Variants in VGLL2 observed in about 807,000 individuals in gnomAD.
VGLL2 encodes the protein transcription cofactor vestigial-like protein 2.
In VGLL2, 18 loss-of-function variants were observed where a neutral mutation model predicts 27.0. The observed-to-expected ratio is 0.67, with a 90% confidence interval of 0.46 to 0.99. The LOEUF (loss-of-function observed/expected upper bound fraction) is 0.99, where lower values mean the gene tolerates loss of function less well. Ranked by LOEUF, VGLL2 falls within the 50% of genes least tolerant of loss-of-function variation. VGLL2 has a pLI of 0.00. For missense variants in VGLL2, 491 were observed against 452.3 expected, an observed-to-expected ratio of 1.09 and a Z score of -0.78; for synonymous variants, 220 against 201.1, an observed-to-expected ratio of 1.09 and a Z score of -0.80.
chr6:117,271,009 CTTCGCGAG>C lies in VGLL2; in HGVS notation c.859_866del (p.Phe287ProfsTer32). The C allele has an allele frequency of 8.1e-7, 1 of 1,232,508 alleles. No individual in the cohort carries two copies. The highest frequency in any genetic ancestry group is 1.0e-6 in the Non-Finnish European group (1 of 990,684). 76.3% of individuals were successfully genotyped at this position (1,232,508 alleles called of 1,614,324 possible). Reference sequence around the variant, plus strand: ...CCGCGTGGGCCGGGCCCGGGGGACCCTTCGCGAGCCCCTCGGGGGACGTGGCCCAGGGT... The same window carrying C: ...CCGCGTGGGCCGGGCCCGGGGGACCCCCCCTCGGGGGACGTGGCCCAGGGT... On this transcript the variant is annotated frameshift_variant, in exon 3 of 4. Coordinates refer to ENST00000326274, the MANE Select transcript of VGLL2 (RefSeq NM_182645.3).
At chr6:117,267,087 C>G (rs964014274) in intron 1 of VGLL2, among the ~76,000 whole-genome samples, 1 of 152,158 alleles carries the variant, frequency 6.6e-6, no homozygotes, top group African/African-American at 2.4e-5. Context: ...CTGAAATGTA[C>G]TTCTTCCCAG....
intron 1 of VGLL2, among the ~76,000 whole-genome samples, chr6:117,266,845 T>G (rs1252444738): frequency 6.6e-6 from 1 of 152,192 alleles, no homozygotes; most frequent in African/African-American, 2.4e-5. Context: ...TTAAAATGTC[T>G]ATTCGAAAAT....
Position 117,270,626 on chromosome 6 carries a change from G to T in VGLL2, c.475G>T (p.Gly159Cys). The part of the protein sequence containing the change: ...AYQAPVPPPL[G>C]SPLATAHSEL... The stretch of plus-strand genomic sequence containing the variant: ...CCAGGCGCCAGTGCCCCCGCCGCTG[G>T]GCAGCCCTCTGGCCACCGCGCACTC... The change falls in exon 3 of 4, where the codon GGC (glycine) becomes TGC (cysteine). Residue 159 changes from glycine (G) to cysteine (C), a missense_variant. Coordinates refer to ENST00000326274, the MANE Select transcript of VGLL2 (RefSeq NM_182645.3). 1 of 1,590,716 alleles carries T rather than the reference G, an allele frequency of 6.3e-7. No homozygotes were observed. The highest frequency in any genetic ancestry group is 8.5e-7 in the Non-Finnish European group (1 of 1,173,406).
chr6:117,270,861 C>T lies in VGLL2; in HGVS notation c.710C>T (p.Pro237Leu). 1 of 1,406,776 alleles carries T rather than the reference C, an allele frequency of 7.1e-7. No homozygotes were observed. The highest frequency in any genetic ancestry group is 9.3e-7 in the Non-Finnish European group (1 of 1,079,526). 87.1% of individuals were successfully genotyped at this position (1,406,776 alleles called of 1,614,324 possible). ...VHEVYAPHFDPRYGPLLMPAA... is the reference protein window; with the variant it reads ...VHEVYAPHFDLRYGPLLMPAA... Reference sequence around the variant, plus strand: ...GAAGTCTACGCGCCGCACTTCGACCCGCGCTATGGGCCGCTGCTGATGCCA... The same window carrying T: ...GAAGTCTACGCGCCGCACTTCGACCTGCGCTATGGGCCGCTGCTGATGCCA... The change falls in exon 3 of 4, where the codon CCG (proline) becomes CTG (leucine). Residue 237 changes from proline (P) to leucine (L), a missense_variant. Coordinates refer to ENST00000326274, the MANE Select transcript of VGLL2 (RefSeq NM_182645.3).
intron 2 of VGLL2, 134 bp from the exon 3 acceptor site, chr6:117,270,409 C>A: frequency 1.7e-6 from 2 of 1,181,466 alleles, no homozygotes; most frequent in Non-Finnish European, 2.2e-6. Flanking sequence ...CAGCCCCGGC[C>A]ATGGCTAGCC....
chr6:117,271,127 G>T, intron 3 of VGLL2, 63 bp downstream of exon 3: 1 of 1,175,946 alleles, frequency 8.5e-7, no homozygotes, highest in South Asian at 4.3e-5. Context: ...ACCCTGGGCT[G>T]TGCCTAGACC....
chr6:117,266,355 G>A (rs1773067431), intron 1 of VGLL2, among the ~76,000 whole-genome samples: 2 of 152,330 alleles, frequency 1.3e-5, no homozygotes, highest in South Asian at 4.1e-4. Context: ...CTGGCGACCA[G>A]GGCAATTAAT....
At chr6:117,266,796 A>G (rs947234313) in intron 1 of VGLL2, among the ~76,000 whole-genome samples, 2 of 152,214 alleles carry the variant, frequency 1.3e-5, no homozygotes, top group African/African-American at 4.8e-5. Context: ...ATACACCCCA[A>G]TGCCCCAGTG....
Position 117,268,380 on chromosome 6 carries a change from G to A in VGLL2, c.280G>A (p.Asp94Asn), listed in dbSNP as rs747048163. 3.1e-6 allele frequency: 5 copies of A among 1,614,028 alleles called. No individual in the cohort carries two copies. The highest frequency in any genetic ancestry group is 1.7e-5 in the Admixed American group (1 of 60,016). The change falls in exon 2 of 4, where the codon GAC becomes AAC. Residue 94 changes from aspartate (D) to asparagine (N), a missense_variant. Physicochemically the swap from Asp to Asn is conservative, Grantham distance 23. Transcript: ENST00000326274. The stretch of plus-strand genomic sequence containing the variant: ...CGTCCTCTTCACTTATTTCCAGGGG[G>A]ACATCAGCTCCGTGGTGGATGAACA... Reference protein sequence around the residue: ...RCVLFTYFQGDISSVVDEHFS... With the variant: ...RCVLFTYFQGNISSVVDEHFS...
In VGLL2 at chr6:117,270,643, C is replaced by T. The variant is rs756235484; in HGVS notation, c.492C>T (p.Thr164=). ...VPPPLGSPLA[T]AHSELPFAAA... is the part of the protein sequence containing the mutation. ...CGCCGCTGGGCAGCCCTCTGGCCAC[C>T]GCGCACTCGGAGCTGCCCTTCGCCG... The change falls in exon 3 of 4, where the codon ACC becomes ACT. Residue 164 remains threonine, a synonymous_variant. Transcript: ENST00000326274. The T allele has an allele frequency of 8.2e-6, 13 of 1,581,020 alleles. No homozygotes were observed. In the East Asian group the frequency reaches 2.3e-4, roughly 28 times the overall value.
Position 117,270,748 on chromosome 6 carries a change from G to A in VGLL2, c.597G>A (p.Pro199=), listed in dbSNP as rs554212839. ...GATEPWHHAH[P]HHAHPHHPYA... ...CGGAGCCCTGGCACCACGCGCACCC[G>A]CACCACGCGCACCCGCATCACCCCT... Residue 199 remains proline (P), a synonymous_variant, in exon 3 of 4, where the codon CCG becomes CCA. Coordinates refer to ENST00000326274, the MANE Select transcript of VGLL2 (RefSeq NM_182645.3). 4.0e-6 allele frequency: 6 copies of A among 1,508,386 alleles called. No homozygotes were observed. The highest frequency in any genetic ancestry group is 2.5e-5 in the South Asian group (2 of 81,512). 93.4% of individuals were successfully genotyped at this position (1,508,386 alleles called of 1,614,324 possible).
intron 1 of VGLL2, among the ~76,000 whole-genome samples, chr6:117,267,165 G>T (rs1773084230): frequency 1.3e-5 from 2 of 152,104 alleles, no homozygotes. Flanking sequence ...TCTTCTCCCA[G>T]ACCCCGAACC....
Position 117,270,886 on chromosome 6 carries a change from A to C in VGLL2, c.735A>C (p.Pro245=). 3.0e-6 allele frequency: 4 copies of C among 1,314,558 alleles called. No individual in the cohort carries two copies. Among genetic ancestry groups the C allele is most frequent in the Non-Finnish European group, 3.9e-6 (4 of 1,032,520 alleles). 81.4% of individuals were successfully genotyped at this position (1,314,558 alleles called of 1,614,324 possible). A position where few individuals can be genotyped will look rare whatever the true frequency, so the allele number is the denominator to read the frequency against. Residue 245 remains proline, a synonymous_variant, in exon 3 of 4, where the codon CCA becomes CCC. Transcript: ENST00000326274. ...FDPRYGPLLM[P]AASGRPARLA... is the part of the protein sequence containing the mutation. ...CGCGCTATGGGCCGCTGCTGATGCC[A>C]GCCGCCTCGGGGCGCCCGGCCCGCC...
rs1384528915 is a variant in VGLL2 at position 117,270,712 on chromosome 6, C to T, written c.561C>T (p.His187=). The change falls in exon 3 of 4, where the codon CAC becomes CAT. Residue 187 remains histidine (H), a synonymous_variant. Coordinates refer to ENST00000326274, the MANE Select transcript of VGLL2 (RefSeq NM_182645.3). ...YSPAALHGHL[H]QGATEPWHHA... The stretch of plus-strand genomic sequence containing the variant: ...CCGCCGCGCTGCATGGCCACCTGCA[C>T]CAGGGCGCCACGGAGCCCTGGCACC... The T allele has an allele frequency of 6.5e-6, 10 of 1,531,144 alleles. No individual in the cohort carries two copies. The East Asian group carries it at 2.6e-4, about 39-fold the overall frequency. The allele number at this position is 1,531,144 out of a possible 1,614,324, so 94.8% of individuals were successfully genotyped here.
Position 117,265,663 on chromosome 6 carries a change from ACTC to A in VGLL2, c.-99_-97del. The A allele has an allele frequency of 1.0e-6, 1 of 959,756 alleles. No individual in the cohort carries two copies. Among genetic ancestry groups the A allele is most frequent in the Non-Finnish European group, 1.6e-6 (1 of 607,914 alleles). 59.5% of individuals were successfully genotyped at this position (959,756 alleles called of 1,614,324 possible). ...CGCGCTGGCTTTGCTCCGCCTGATG[ACTC>A]CAGAGCGCGGGTCCAAGCGCCGCCC... is the stretch of plus-strand genomic sequence containing the variant. On this transcript the variant is annotated 5_prime_UTR_variant, in exon 1 of 4. Transcript: ENST00000326274.
rs1433806297 is a variant in VGLL2 at position 117,269,346 on chromosome 6, G to A, written c.391+855G>A. 2.6e-4 allele frequency among the ~76,000 whole-genome samples: 40 copies of A among 152,098 alleles called. 1 individual carries two copies. The highest frequency in any genetic ancestry group is 2.9e-5 in the Non-Finnish European group (2 of 68,024). ...CTTGGCTCACTAAGCTGTATTTGATGTGTACCAAGCTGAGAAAGGGGGACT... is the reference window on the plus strand; with the variant it reads ...CTTGGCTCACTAAGCTGTATTTGATATGTACCAAGCTGAGAAAGGGGGACT... On this transcript the variant is annotated intron_variant, in intron 2 of 3. Coordinates refer to ENST00000326274, the MANE Select transcript of VGLL2 (RefSeq NM_182645.3).
At chr6:117,271,324 G>GATAATA (rs3080434) in intron 3 of VGLL2, among the ~76,000 whole-genome samples, 240 of 138,870 alleles carry the variant, frequency 1.7e-3, no homozygotes, top group South Asian at 5.1e-3. Context: ...TAATAATAAT[G>GATAATA]ATAATAATAA....
intron 1 of VGLL2, among the ~76,000 whole-genome samples, chr6:117,267,542 G>T (rs1193436094): frequency 6.6e-6 from 1 of 152,068 alleles, no homozygotes; most frequent in Non-Finnish European, 1.5e-5. Context: ...AATGATCCGT[G>T]TTTCCCCAGT....
chr6:117,270,566 C>A lies in VGLL2; in HGVS notation c.415C>A (p.Arg139Ser), dbSNP rs147838633. The change falls in exon 3 of 4, where the codon CGC becomes AGC. Residue 139 changes from arginine (R) to serine (S), a missense_variant. Physicochemically the swap from Arg to Ser is moderately radical, Grantham distance 110. Transcript: ENST00000326274. ...WRDCSFPMSQ[R>S]SFPASFWNSA... The stretch of plus-strand genomic sequence containing the variant: ...AGACTGCTCCTTCCCGATGAGCCAG[C>A]GCAGCTTCCCCGCCTCCTTCTGGAA... 65 of 1,598,670 alleles carry A rather than the reference C, an allele frequency of 4.1e-5. No individual in the cohort carries two copies. Among genetic ancestry groups the A allele is most frequent in the Non-Finnish European group, 5.0e-5 (59 of 1,174,174 alleles).
Sources: allele counts gnomAD v4.1 joint callset (sites outside exome capture counted in the v4.1 genomes callset), GRCh38; gene constraint gnomAD v4.1.1; transcripts MANE v1.5; gene names NCBI Gene and HGNC (gene_info 2026-07-23, HGNC 2026-07-21).